The following FHAD1 variants were observed in gnomAD, a reference collection of about 807,000 sequenced individuals.
FHAD1 encodes forkhead associated phosphopeptide binding domain 1, also known as forkhead-associated domain-containing protein 1.
In FHAD1, 146 loss-of-function variants were observed where a neutral mutation model predicts 191.3. That is an observed-to-expected ratio of 0.76 (90% CI 0.67 to 0.88). FHAD1 has a LOEUF of 0.88. FHAD1 is among the 40% of genes least tolerant of loss of function. The pLI, the probability that FHAD1 is intolerant of heterozygous loss-of-function variation, is 0.00. For synonymous variants in FHAD1, 616 were observed against 672.3 expected (o/e 0.92, Z 1.29); for missense variants, 1,635 against 1,785.8 (o/e 0.92, Z 1.52).
At chr1:15,321,483 G>A (rs1676239610) in intron 10 of FHAD1, among the ~76,000 whole-genome samples, 1 of 152,114 alleles carries the variant, frequency 6.6e-6, no homozygotes, top group African/African-American at 2.4e-5. Flanking sequence ...CTTAGAGATT[G>A]ACACTTTAAC....
chr1:15,383,046 T>C (rs192397544), intron 31 of FHAD1: 1 of 465,022 alleles, frequency 2.2e-6, no homozygotes, highest in East Asian at 7.0e-5. Flanking sequence ...GTATCTCATC[T>C]GTAGCATGGT....
At chr1:15,348,071 G>A (rs1007025788) in intron 18 of FHAD1, among the ~76,000 whole-genome samples, 3 of 152,170 alleles carry the variant, frequency 2.0e-5, no homozygotes, top group Non-Finnish European at 4.4e-5. Context: ...ACAGGAAAAT[G>A]TCCTACCCTG....
At chr1:15,353,647 G>C (rs1030597979) in intron 20 of FHAD1, among the ~76,000 whole-genome samples, 3 of 145,114 alleles carry the variant, frequency 2.1e-5, no homozygotes, top group African/African-American at 7.7e-5. Flanking sequence ...GGAGGTTGCA[G>C]GGAGCCGAGA....
At chr1:15,389,181 T>C (rs1270337868) in intron 32 of FHAD1, among the ~76,000 whole-genome samples, 1 of 152,122 alleles carries the variant, frequency 6.6e-6, no homozygotes, top group Non-Finnish European at 1.5e-5. Context: ...ATCCTACTGG[T>C]ACGCCTGTAA....
chr1:15,378,807 T>C (rs1700236816), intron 28 of FHAD1, among the ~76,000 whole-genome samples: 1 of 152,200 alleles, frequency 6.6e-6, no homozygotes, highest in Admixed American at 6.5e-5. Context: ...AGCCGGTAAA[T>C]GCTGCAAGCT....
At position 15,312,161 on chromosome 1, in the gene FHAD1, T is replaced by A. The variant is rs1354531508; in HGVS notation, c.1040-896T>A. The A allele has an allele frequency of 6.6e-6, 1 of 152,212 alleles. No individual in the cohort carries two copies. The highest frequency in any genetic ancestry group is 1.5e-5 in the Non-Finnish European group (1 of 68,052). 9.4% of individuals were successfully genotyped at this position (152,212 alleles called of 1,614,324 possible). ...CATTCACCACTTCCACAGTGCCATATGAGTTACACACGTCAGCCCTATTCA... is the reference window on the plus strand; with the variant it reads ...CATTCACCACTTCCACAGTGCCATAAGAGTTACACACGTCAGCCCTATTCA... On this transcript the variant is annotated intron_variant, in intron 7 of 33. Coordinates refer to ENST00000688493, the MANE Select transcript of FHAD1 (RefSeq NM_001391957.1). This position sits in a 1 kb window ranked among gnomAD's most constrained non-coding sequence, Gnocchi z 4.7.
chr1:15,313,393 C>G (rs1257139388), intron 8 of FHAD1, among the ~76,000 whole-genome samples: 1 of 152,190 alleles, frequency 6.6e-6, no homozygotes, highest in Admixed American at 6.5e-5. Flanking sequence ...ACTAAAACAG[C>G]TGGCCACATT....
chr1:15,390,914 G>T (rs1230556814), intron 32 of FHAD1, among the ~76,000 whole-genome samples: 1 of 152,128 alleles, frequency 6.6e-6, no homozygotes, highest in Non-Finnish European at 1.5e-5. Context: ...GAAGAGCATT[G>T]TTCCTCACAG....
chr1:15,292,958 G>T (rs1325968949), intron 4 of FHAD1, among the ~76,000 whole-genome samples: 1 of 152,162 alleles, frequency 6.6e-6, no homozygotes, highest in Admixed American at 6.5e-5. Flanking sequence ...ATTTAATAAA[G>T]TAAAATTAAT....
intron 1 of FHAD1, among the ~76,000 whole-genome samples, chr1:15,248,481 GTC>G (rs1431483670): frequency 6.6e-6 from 1 of 152,038 alleles, no homozygotes; most frequent in Non-Finnish European, 1.5e-5. Context: ...CACACTGCGA[GTC>G]TGTTTCCCAG....
At chr1:15,296,924 A>G (rs1282806511) in intron 5 of FHAD1, 131 bp downstream of exon 5, 16 of 659,650 alleles carry the variant, frequency 2.4e-5, no homozygotes, top group Non-Finnish European at 3.9e-5. Flanking sequence ...TTACTCCCCA[A>G]GACATTCAAC....
At chr1:15,295,825 CTG>C (rs1666770579) in intron 4 of FHAD1, among the ~76,000 whole-genome samples, 2 of 152,278 alleles carry the variant, frequency 1.3e-5, no homozygotes, top group South Asian at 4.1e-4. Context: ...CTACTCAACT[CTG>C]TGTTTGTGGC....
At chr1:15,382,287 A>G in intron 31 of FHAD1, 94 bp downstream of exon 31, 1 of 1,276,628 alleles carries the variant, frequency 7.8e-7, no homozygotes, top group South Asian at 1.5e-5. Flanking sequence ...TCCAGGTAGC[A>G]CAGAACACAG....
chr1:15,381,271 TC>T lies in FHAD1; in HGVS notation c.3843del (p.Lys1282ArgfsTer9), dbSNP rs1468641721. ...MSKTLGSLMN[I>X]KNMSGHVSMK... Reference sequence around the variant, plus strand: ...AAAACCCTCGGAAGTCTCATGAACATCAAGAATATGTCAGGCCACGTGTCCA... The same window carrying T: ...AAAACCCTCGGAAGTCTCATGAACATAAGAATATGTCAGGCCACGTGTCCA... On this transcript the variant is annotated frameshift_variant, in exon 30 of 34. Transcript: ENST00000688493. LOFTEE classifies it high-confidence loss of function. This position sits in a 1 kb window ranked among gnomAD's most constrained non-coding sequence, Gnocchi z 4.6. The T allele has an allele frequency of 6.4e-7, 1 of 1,551,538 alleles. No homozygotes were observed. Among genetic ancestry groups the T allele is most frequent in the Non-Finnish European group, 8.7e-7 (1 of 1,146,972 alleles).
chr1:15,292,482 C>CA (rs1558022398), intron 4 of FHAD1, among the ~76,000 whole-genome samples: 10 of 152,198 alleles, frequency 6.6e-5, no homozygotes, highest in African/African-American at 2.4e-4. Context: ...TACAGGCGCC[C>CA]GCCACCACGC....
At chr1:15,241,128 G>A (rs937743434) in intron 1 of FHAD1, among the ~76,000 whole-genome samples, 2 of 152,174 alleles carry the variant, frequency 1.3e-5, no homozygotes, top group Non-Finnish European at 2.9e-5. Context: ...GAATCTGTGA[G>A]ATGATAAATG....
intron 4 of FHAD1, among the ~76,000 whole-genome samples, chr1:15,295,214 T>C (rs561558621): frequency 6.6e-6 from 1 of 152,334 alleles, no homozygotes; most frequent in South Asian, 2.1e-4. Context: ...GACATCCCGG[T>C]GCCTCAGTTC....
rs756025985 is a variant in FHAD1 at position 15,308,722 on chromosome 1, A to G, written c.1025A>G (p.Asn342Ser). The change falls in exon 7 of 34, where the codon AAC becomes AGC. Residue 342 changes from asparagine to serine, a missense_variant. Coordinates refer to ENST00000688493, the MANE Select transcript of FHAD1 (RefSeq NM_001391957.1). ...KNEGENLKRD[N>S]AITSGMVSSL... is the part of the protein sequence containing the mutation. ...GAGGGCGAGAACTTAAAGAGAGACAACGCTATCACATCAGGTGAGCCCTTG... is the reference window on the plus strand; with the variant it reads ...GAGGGCGAGAACTTAAAGAGAGACAGCGCTATCACATCAGGTGAGCCCTTG... 4.5e-6 allele frequency: 7 copies of G among 1,551,600 alleles called. No homozygotes were observed. In the African/African-American group the frequency reaches 6.8e-5, roughly 15 times the overall value.
At position 15,381,331 on chromosome 1, in the gene FHAD1, T is replaced by C. The variant is rs1700852701; in HGVS notation, c.3902T>C (p.Val1301Ala). The C allele has an allele frequency of 6.4e-6, 10 of 1,551,552 alleles. No homozygotes were observed. Among genetic ancestry groups the C allele is most frequent in the Non-Finnish European group, 7.8e-6 (9 of 1,146,944 alleles). The change falls in exon 30 of 34, where the codon GTC becomes GCC. Residue 1301 changes from valine (V) to alanine (A), a missense_variant. By Grantham distance (64) the Val-to-Ala change is moderately conservative. Transcript: ENST00000688493. This position sits in a 1 kb window ranked among gnomAD's most constrained non-coding sequence, Gnocchi z 4.6. ...KYLSRQEREK[V>A]NQLRQRDLDL... is the part of the protein sequence containing the mutation. ...CTCTCCCGCCAGGAGAGGGAGAAGG[T>C]CAACCAGCTTCGACAAAGGGACCTC...
Sources: gnomAD v4.1 joint callset for allele counts (sites outside exome capture counted in the v4.1 genomes callset) on GRCh38, gnomAD v4.1.1 for gene constraint, Gnocchi (gnomAD v3.1) non-coding constraint, MANE v1.5 for transcripts, NCBI Gene and HGNC (gene_info 2026-07-23, HGNC 2026-07-21) for gene names.